DNAH11: variants seen among roughly 807,000 people sequenced by gnomAD.
DNAH11 encodes the protein axonemal beta dynein heavy chain 11.
In DNAH11, 442 loss-of-function variants were observed where a neutral mutation model predicts 526.0. The ratio of observed to expected loss-of-function variants is 0.84; its 90% CI spans 0.78 to 0.91. The LOEUF is 0.91. Among genes scored for constraint, DNAH11 ranks in the 40% least tolerant of loss-of-function variants. DNAH11 has a pLI of 0.00. For missense variants in DNAH11, 6,989 were observed against 5,448.7 expected, an observed-to-expected ratio of 1.28 and a Z score of -8.90; for synonymous variants, 2,461 against 1,935.9, an observed-to-expected ratio of 1.27 and a Z score of -7.12.
intron 20 of DNAH11, among the ~76,000 whole-genome samples, chr7:21,612,554 C>CAAAAAAAAAAAAAAAAAAAAAAAAA (rs34356379): frequency 6.2e-5 from 5 of 81,240 alleles, no homozygotes; most frequent in East Asian, 2.9e-4. Flanking sequence ...GGCTCCGTCT[C>CAAAAAAAAAAAAAAAAAAAAAAAAA]AAAAAAAAAA....
At chr7:21,728,618 C>A (rs1453484496) in intron 45 of DNAH11, among the ~76,000 whole-genome samples, 1 of 152,102 alleles carries the variant, frequency 6.6e-6, no homozygotes, top group Non-Finnish European at 1.5e-5. Context: ...CAAATATAAT[C>A]CAAATATCAT....
rs565942670 is a variant in DNAH11, at chr7:21,852,635, G to A, written c.11061+4G>A. ...CGTGGCAGAGATAGAGCACAAGGTA[G>A]GAAGGGCAGAGGGTGCCTGGCAGAT... On this transcript the variant is annotated splice_donor_region_variant and intron_variant, in intron 67 of 81. Coordinates refer to ENST00000409508, the MANE Select transcript of DNAH11 (RefSeq NM_001277115.2). 13 of 1,578,602 alleles carry A rather than the reference G, an allele frequency of 8.2e-6. No homozygotes were observed. In the South Asian group the frequency reaches 1.6e-4, roughly 19 times the overall value.
At chr7:21,687,065 A>G in intron 32 of DNAH11, 34 bp from the exon 33 acceptor site, 1 of 1,587,928 alleles carries the variant, frequency 6.3e-7, no homozygotes, top group Non-Finnish European at 8.6e-7. Context: ...ATCTCATATT[A>G]GACTGTGATG....
At chr7:21,593,673 G>T (rs1221422750) in intron 14 of DNAH11, among the ~76,000 whole-genome samples, 1 of 152,058 alleles carries the variant, frequency 6.6e-6, no homozygotes, top group Non-Finnish European at 1.5e-5. Flanking sequence ...GGAATGTGGT[G>T]CTCACAGATG....
chr7:21,694,079 C>T (rs1027730169), intron 35 of DNAH11, among the ~76,000 whole-genome samples: 19 of 152,162 alleles, frequency 1.2e-4, no homozygotes, highest in Admixed American at 9.8e-4. Flanking sequence ...TCACCTTCCA[C>T]CAGGTCCCTC....
chr7:21,700,804 T>C (rs1784022230), intron 36 of DNAH11, among the ~76,000 whole-genome samples: 1 of 152,158 alleles, frequency 6.6e-6, no homozygotes, highest in African/African-American at 2.4e-5. Context: ...TTCATGTCCT[T>C]TGCAGAGACA....
At chr7:21,588,000 T>A in intron 9 of DNAH11, 64 bp from the exon 10 acceptor site, 5 of 1,522,024 alleles carry the variant, frequency 3.3e-6, no homozygotes, top group Non-Finnish European at 4.5e-6. Flanking sequence ...AGGGGAACAT[T>A]ATGAGCTGAG....
chr7:21,868,135 T>A (rs1783357964), intron 72 of DNAH11, 128 bp downstream of exon 72: 2 of 870,996 alleles, frequency 2.3e-6, no homozygotes, highest in East Asian at 2.9e-5. Flanking sequence ...TGTTGAAGAT[T>A]GGGTGTATGG....
intron 65 of DNAH11, among the ~76,000 whole-genome samples, chr7:21,837,693 A>G (rs780857549): frequency 1.8e-4 from 28 of 152,160 alleles, no homozygotes; most frequent in Non-Finnish European, 3.1e-4. Flanking sequence ...TTTACATACT[A>G]TATTACCATT....
At position 21,661,414 on chromosome 7, in the gene DNAH11, A is replaced by G. The variant is rs140683706; in HGVS notation, c.5328+2383A>G. ...CTTTATTTTGACTTCCTTTTTGATA[A>G]TCCAGCTGGGTATAGAATTCTAAGT... On this transcript the variant is annotated intron_variant, in intron 30 of 81. Coordinates refer to ENST00000409508, the MANE Select transcript of DNAH11 (RefSeq NM_001277115.2). 7.6e-3 allele frequency among the ~76,000 whole-genome samples: 1,157 copies of G among 151,954 alleles called. 15 individuals are homozygous for G. Among genetic ancestry groups the G allele is most frequent in the African/African-American group, 0.027 (1,103 of 41,464 alleles).
chr7:21,756,648 T>A (rs950341052), intron 54 of DNAH11, among the ~76,000 whole-genome samples: 1 of 152,264 alleles, frequency 6.6e-6, no homozygotes, highest in East Asian at 1.9e-4. Flanking sequence ...TTCCTTGTTA[T>A]AATTTAAGGT....
intron 29 of DNAH11, among the ~76,000 whole-genome samples, chr7:21,658,105 A>G (rs1038438101): frequency 3.3e-5 from 5 of 152,164 alleles, no homozygotes; most frequent in Non-Finnish European, 7.4e-5. Context: ...ACATTTGAAC[A>G]GGATGGAAAC....
rs2072222 is a variant in DNAH11 at position 21,735,903 on chromosome 7, A to T, written c.7645+59A>T. The T allele has an allele frequency of 0.043, 64,323 of 1,484,930 alleles. 2,650 individuals carry two copies. Among genetic ancestry groups the T allele is most frequent in the East Asian group, 0.27 (11,633 of 43,768 alleles). 92.0% of individuals were successfully genotyped at this position (1,484,930 alleles called of 1,614,324 possible). ...GATCAAAAATCATCAAGGCGGGCAC[A>T]TGCAGCCCAAAAGACTAATAATGCC... is the stretch of plus-strand genomic sequence containing the variant. On this transcript the variant is annotated intron_variant, in intron 46 of 81. Transcript: ENST00000409508.
chr7:21,850,236 G>C (rs371330219), intron 66 of DNAH11, among the ~76,000 whole-genome samples: 182 of 151,334 alleles, frequency 1.2e-3, no homozygotes, highest in Non-Finnish European at 2.3e-3. Flanking sequence ...GGAGCCTGTA[G>C]TCCCAGCTAC....
chr7:21,877,747 C>T (rs190705171), intron 74 of DNAH11, among the ~76,000 whole-genome samples: 3,085 of 151,734 alleles, frequency 0.02, 120 homozygotes, highest in African/African-American at 0.071. Context: ...TGGTGGTGGG[C>T]GCCTGTAGTC....
chr7:21,667,196 T>C (rs979035749), intron 30 of DNAH11, among the ~76,000 whole-genome samples: 10 of 152,086 alleles, frequency 6.6e-5, no homozygotes, highest in Admixed American at 4.6e-4. Context: ...CCCAAGAGGC[T>C]ATTAGTGGAG....
intron 36 of DNAH11, among the ~76,000 whole-genome samples, chr7:21,700,839 C>G (rs1312239718): frequency 3.9e-5 from 6 of 152,092 alleles, no homozygotes; most frequent in Non-Finnish European, 7.3e-5. Flanking sequence ...AACCATAATT[C>G]TCAGCAAACT....
intron 8 of DNAH11, among the ~76,000 whole-genome samples, chr7:21,574,554 CCCTT>C (rs1427368259): frequency 3.5e-5 from 5 of 144,190 alleles, no homozygotes; most frequent in Admixed American, 6.9e-5. Context: ...CTCCCTCCCT[CCCTT>C]CCTTCCTTTT....
At chr7:21,586,297 A>G (rs1784475826) in intron 9 of DNAH11, among the ~76,000 whole-genome samples, 1 of 152,222 alleles carries the variant, frequency 6.6e-6, no homozygotes, top group African/African-American at 2.4e-5. Flanking sequence ...TCTTGTTGGA[A>G]TATACTTTTT....
Sources: gnomAD v4.1 joint callset for allele counts (sites outside exome capture counted in the v4.1 genomes callset) on GRCh38, gnomAD v4.1.1 for gene constraint, MANE v1.5 for transcripts, NCBI Gene and HGNC (gene_info 2026-07-23, HGNC 2026-07-21) for gene names.